The following AUTS2 variants were observed in gnomAD, a reference collection of about 807,000 sequenced individuals.
The protein encoded by AUTS2 is activator of transcription and developmental regulator AUTS2.
Under a neutral mutation model 112.4 loss-of-function variants are expected in AUTS2, and 17 were observed. That is an observed-to-expected ratio of 0.15 (90% CI 0.10 to 0.23). The LOEUF is 0.23. AUTS2 is among the 10% of genes least tolerant of loss of function. The pLI, the probability that AUTS2 is intolerant of heterozygous loss-of-function variation, is 1.00. For missense variants in AUTS2, 1,510 were observed against 1,701.6 expected, an observed-to-expected ratio of 0.89 and a Z score of 1.98; for synonymous variants, 751 against 702.7, an observed-to-expected ratio of 1.07 and a Z score of -1.09.
intron 3 of AUTS2, among the ~76,000 whole-genome samples, chr7:70,124,448 A>G (rs1355426821): frequency 1.3e-5 from 2 of 152,134 alleles, no homozygotes; most frequent in African/African-American, 4.8e-5. Flanking sequence ...TGTGCAGCAT[A>G]GTACTGCCTA....
intron 4 of AUTS2, among the ~76,000 whole-genome samples, chr7:70,270,693 A>G (rs188439842): frequency 1.3e-5 from 2 of 152,304 alleles, no homozygotes; most frequent in Admixed American, 1.3e-4. Flanking sequence ...CATATCAAGT[A>G]GTGTTTCAAA....
chr7:69,798,758 A>T (rs1297219822), intron 1 of AUTS2, among the ~76,000 whole-genome samples: 1 of 152,128 alleles, frequency 6.6e-6, no homozygotes, highest in Non-Finnish European at 1.5e-5. Flanking sequence ...TGGAAGGCCA[A>T]GGTGGGAGGA....
At chr7:69,976,867 A>G (rs888437588) in intron 2 of AUTS2, among the ~76,000 whole-genome samples, 4 of 152,158 alleles carry the variant, frequency 2.6e-5, no homozygotes, top group Non-Finnish European at 5.9e-5. Context: ...TGGTTTGGAA[A>G]CATTTTTTCC....
At chr7:70,395,622 C>A (rs1471486733) in intron 4 of AUTS2, among the ~76,000 whole-genome samples, 1 of 152,196 alleles carries the variant, frequency 6.6e-6, no homozygotes, top group Non-Finnish European at 1.5e-5. Context: ...CAAGTGATCT[C>A]AGTTAGCTGC....
At chr7:70,686,576 C>T (rs970342884) in intron 5 of AUTS2, among the ~76,000 whole-genome samples, 1 of 151,626 alleles carries the variant, frequency 6.6e-6, no homozygotes, top group Non-Finnish European at 1.5e-5. Flanking sequence ...TTGCTGTATC[C>T]CCCTGGCTGG....
intron 2 of AUTS2, among the ~76,000 whole-genome samples, chr7:69,992,312 C>G (rs368591446): frequency 8.5e-5 from 13 of 152,140 alleles, no homozygotes; most frequent in African/African-American, 3.1e-4. Context: ...AATCTAAAAG[C>G]CTTGTTCCTT....
chr7:70,269,387 C>T (rs1322075003), intron 4 of AUTS2, among the ~76,000 whole-genome samples: 1 of 147,674 alleles, frequency 6.8e-6, no homozygotes, highest in African/African-American at 2.5e-5. Flanking sequence ...CTTTTCAGAC[C>T]TTCCTTCCAA....
chr7:70,428,395 GCTATCTTACTTCTTTAAA>G (rs1795519149), intron 4 of AUTS2, among the ~76,000 whole-genome samples: 1 of 152,142 alleles, frequency 6.6e-6, no homozygotes, highest in Admixed American at 6.5e-5. Flanking sequence ...TCACCATGCT[GCTATCTTACTTCTTTAAA>G]TAAGAAAATA....
intron 5 of AUTS2, among the ~76,000 whole-genome samples, chr7:70,451,603 A>G (rs1462483621): frequency 6.6e-6 from 1 of 152,188 alleles, no homozygotes; most frequent in Non-Finnish European, 1.5e-5. Context: ...GTGTTAAAGT[A>G]CCATATATAG....
Position 70,607,076 on chromosome 7 carries a change from T to C in AUTS2, c.691-91493T>C, listed in dbSNP as rs1234781784. Among the ~76,000 whole-genome samples, 3 of 152,214 alleles carry C rather than the reference T, an allele frequency of 2.0e-5. No homozygotes were observed. In the East Asian group the frequency reaches 5.8e-4, roughly 30 times the overall value. On this transcript the variant is annotated intron_variant, in intron 5 of 18. Transcript: ENST00000342771. ...GACCAATTCGGAGTGATTTGGAGTG[T>C]TTCTCTTCTTGATGAGGCCCAGGGG...
chr7:69,602,783 A>G (rs1193848391), intron 1 of AUTS2, among the ~76,000 whole-genome samples: 1 of 152,238 alleles, frequency 6.6e-6, no homozygotes, highest in African/African-American at 2.4e-5. Flanking sequence ...AAAAACACAC[A>G]ATGGGAAATA....
intron 1 of AUTS2, among the ~76,000 whole-genome samples, chr7:69,833,888 A>C (rs901901209): frequency 3.3e-5 from 5 of 152,228 alleles, no homozygotes; most frequent in Non-Finnish European, 5.9e-5. Context: ...CACTCATGAT[A>C]GAATCATTTG....
At chr7:70,726,552 G>C (rs7805642) in intron 6 of AUTS2, among the ~76,000 whole-genome samples, 34,847 of 152,040 alleles carry the variant, frequency 0.23, 4,861 homozygotes, top group East Asian at 0.58. Context: ...AATAAACAGA[G>C]ACCAAAATGC....
intron 1 of AUTS2, among the ~76,000 whole-genome samples, chr7:69,604,531 G>C (rs1792607824): frequency 6.6e-6 from 1 of 152,206 alleles, no homozygotes; most frequent in Admixed American, 6.5e-5. Flanking sequence ...TAGTGAGATA[G>C]GCTGAAGTGT....
intron 5 of AUTS2, among the ~76,000 whole-genome samples, chr7:70,660,447 G>A (rs1261548463): frequency 6.6e-6 from 1 of 152,214 alleles, no homozygotes; most frequent in East Asian, 1.9e-4. Flanking sequence ...CGTAGATTTG[G>A]AGAGAAGAAG....
At chr7:70,211,667 A>T (rs956454185) in intron 4 of AUTS2, among the ~76,000 whole-genome samples, 3 of 143,598 alleles carry the variant, frequency 2.1e-5, no homozygotes, top group South Asian at 2.2e-4. Context: ...AAAAAGAAAA[A>T]AAGAAAAAAG....
chr7:70,045,568 C>G (rs1190699291), intron 2 of AUTS2, among the ~76,000 whole-genome samples: 1 of 151,040 alleles, frequency 6.6e-6, no homozygotes, highest in Non-Finnish European at 1.5e-5. Context: ...AAATGTGACT[C>G]ACATTTGCAA....
Position 70,766,631 on chromosome 7 carries a change from AGTTTT to A in AUTS2, c.1689+298_1689+302del, listed in dbSNP as rs1353587494. On this transcript the variant is annotated intron_variant, in intron 9 of 18. Transcript: ENST00000342771. This position sits in a 1 kb window ranked among gnomAD's most constrained non-coding sequence, Gnocchi z 4.8. ...TGGCTAACTTCTTAAAGGGTTGTTT[AGTTTT>A]CTTGAACTTCCCGGGGGACTGTCAC... 6.6e-6 allele frequency among the ~76,000 whole-genome samples: 1 copy of A among 152,218 alleles called. No individual in the cohort carries two copies. The highest frequency in any genetic ancestry group is 1.5e-5 in the Non-Finnish European group (1 of 68,036).
At chr7:70,388,378 G>A (rs911987711) in intron 4 of AUTS2, among the ~76,000 whole-genome samples, 7 of 152,134 alleles carry the variant, frequency 4.6e-5, no homozygotes, top group African/African-American at 1.7e-4. Flanking sequence ...CTTAAATATA[G>A]TATATCCTGA....
Sources: gnomAD v4.1 joint callset for allele counts (sites outside exome capture counted in the v4.1 genomes callset) on GRCh38, gnomAD v4.1.1 for gene constraint, Gnocchi (gnomAD v3.1) non-coding constraint, MANE v1.5 for transcripts, NCBI Gene and HGNC (gene_info 2026-07-23, HGNC 2026-07-21) for gene names.